TMCO6: variants seen among roughly 807,000 people sequenced by gnomAD.
TMCO6 encodes the protein transmembrane and coiled-coil domain-containing protein 6.
TMCO6 carries 47 observed loss-of-function variants against 61.8 expected under a neutral mutation model. The observed-to-expected ratio is 0.76, with a 90% CI of 0.60 to 0.97. The LOEUF is 0.97. Among genes scored for constraint, TMCO6 ranks in the 50% least tolerant of loss-of-function variants. TMCO6 has a pLI of 0.00. For synonymous variants in TMCO6, 261 were observed against 254.2 expected (o/e 1.03, Z -0.25); for missense variants, 557 against 601.6 (o/e 0.93, Z 0.78).
At chr5:140,630,093 G>A in the TMCO6 span, among the ~76,000 whole-genome samples, 1 of 151,246 alleles carries the variant, frequency 6.6e-6, no homozygotes, top group South Asian at 2.1e-4. Flanking sequence ...AGGTTCTAGT[G>A]AGCAATTCTC....
the TMCO6 span, chr5:140,631,738 T>C: frequency 1.0e-6 from 1 of 971,690 alleles, no homozygotes; most frequent in Non-Finnish European, 1.6e-6. Context: ...GACCCGTTGT[T>C]TAAGATTTTA....
Position 140,644,667 on chromosome 5 carries a change from T to A in TMCO6, c.1295T>A (p.Leu432Gln). 1 of 1,614,258 alleles carries A rather than the reference T, an allele frequency of 6.2e-7. No homozygotes were observed. Among genetic ancestry groups the A allele is most frequent in the Non-Finnish European group, 8.5e-7 (1 of 1,180,044 alleles). The change falls in exon 11 of 12, where the codon CTA (leucine) becomes CAA (glutamine). Residue 432 changes from leucine to glutamine, a missense_variant. Coordinates refer to ENST00000394671, the MANE Select transcript of TMCO6 (RefSeq NM_018502.5). Reference protein sequence around the residue: ...GPLLPALLHTLAFSDTEVVGQ... With the variant: ...GPLLPALLHTQAFSDTEVVGQ... ...CTGCTTCCCGCCTTGCTGCACACAC[T>A]AGCCTTTTCTGACACTGAAGTAGTA...
chr5:140,638,110 TGTCTGCTTGGCCA>T (rs1167269319), upstream of TMCO6, among the ~76,000 whole-genome samples: 1 of 152,150 alleles, frequency 6.6e-6, no homozygotes, highest in African/African-American at 2.4e-5. Context: ...CTCAGAGGGG[TGTCTGCTTGGCCA>T]GTCGCCATGA....
At chr5:140,608,097 G>A in the TMCO6 span, among the ~76,000 whole-genome samples, 1 of 152,080 alleles carries the variant, frequency 6.6e-6, no homozygotes, top group African/African-American at 2.4e-5. Context: ...GCCTCTCATT[G>A]TGTTTTTGGT....
Position 140,639,610 on chromosome 5 carries a change from C to T in TMCO6, c.83C>T (p.Ala28Val), listed in dbSNP as rs1350057615. Residue 28 changes from alanine to valine, a missense_variant and splice_region_variant, in exon 1 of 12, where the codon GCA (alanine) becomes GTA (valine). Ala to Val is a moderately conservative substitution (Grantham distance 64). Coordinates refer to ENST00000394671, the MANE Select transcript of TMCO6 (RefSeq NM_018502.5). ...ELRRRRRERE[A>V]ALRKARREQQ... ...CGGCGCCGCCGGCGGGAGCGGGAGG[C>T]AGGTGTGGGCGGCCGAGGGAGCGCG... 6.5e-7 allele frequency: 1 copy of T among 1,542,236 alleles called. No individual in the cohort carries two copies. Among genetic ancestry groups the T allele is most frequent in the Non-Finnish European group, 8.8e-7 (1 of 1,142,462 alleles).
the TMCO6 span, among the ~76,000 whole-genome samples, chr5:140,619,719 C>T: frequency 6.6e-6 from 1 of 152,172 alleles, no homozygotes; most frequent in Non-Finnish European, 1.5e-5. Flanking sequence ...GGGCCAAAAG[C>T]TCCTCTTGGT....
At position 140,643,936 on chromosome 5, in the gene TMCO6, G is replaced by A; in HGVS notation, c.1075G>A (p.Glu359Lys). ...CCAGAAACAGCCCAGTCTGCTCCCT[G>A]AGGGCCTTTGGCTCCTCAACAACCT... ...FFQKQPSLLPEGLWLLNNLTA... is the reference protein window; with the variant it reads ...FFQKQPSLLPKGLWLLNNLTA... Residue 359 changes from glutamate (E) to lysine (K), a missense_variant, in exon 9 of 12, where the codon GAG becomes AAG. Physicochemically the swap from Glu to Lys is moderately conservative, Grantham distance 56. Coordinates refer to ENST00000394671, the MANE Select transcript of TMCO6 (RefSeq NM_018502.5). 1 of 1,614,198 alleles carries A rather than the reference G, an allele frequency of 6.2e-7. No homozygotes were observed. Among genetic ancestry groups the A allele is most frequent in the Non-Finnish European group, 8.5e-7 (1 of 1,180,038 alleles).
At chr5:140,597,424 T>G in the TMCO6 span, among the ~76,000 whole-genome samples, 1 of 152,132 alleles carries the variant, frequency 6.6e-6, no homozygotes, top group African/African-American at 2.4e-5. Context: ...CAGGCTTCCA[T>G]TCAATCTTGT....
At chr5:140,633,357 C>A in the TMCO6 span, 2 of 560,644 alleles carry the variant, frequency 3.6e-6, no homozygotes, top group South Asian at 4.0e-5. Flanking sequence ...TTCTGCAGGG[C>A]ATCTAGGGTT....
chr5:140,628,652 G>A, the TMCO6 span, among the ~76,000 whole-genome samples: 1 of 152,150 alleles, frequency 6.6e-6, no homozygotes, highest in Admixed American at 6.5e-5. Context: ...TGGCCAGGCT[G>A]GTCTTGAAGT....
At chr5:140,622,561 T>C in the TMCO6 span, among the ~76,000 whole-genome samples, 1 of 152,070 alleles carries the variant, frequency 6.6e-6, no homozygotes, top group Non-Finnish European at 1.5e-5. Flanking sequence ...AAAAGGATGT[T>C]ATACAAGAAC....
chr5:140,596,713 G>A, the TMCO6 span, among the ~76,000 whole-genome samples: 2 of 152,192 alleles, frequency 1.3e-5, no homozygotes, highest in African/African-American at 4.8e-5. Context: ...CTTTAGCCCA[G>A]CATGTCATGT....
chr5:140,630,218 T>C, the TMCO6 span, among the ~76,000 whole-genome samples: 1 of 151,952 alleles, frequency 6.6e-6, no homozygotes, highest in Non-Finnish European at 1.5e-5. Context: ...GGACTCGATC[T>C]CTTGACCTCG....
At chr5:140,626,030 C>T in the TMCO6 span, among the ~76,000 whole-genome samples, 10 of 152,168 alleles carry the variant, frequency 6.6e-5, no homozygotes, top group South Asian at 2.1e-4. Flanking sequence ...TTCTTTAGCA[C>T]GGTCTCTTCT....
the TMCO6 span, chr5:140,632,046 G>A: frequency 3.1e-6 from 5 of 1,614,194 alleles, no homozygotes; most frequent in Non-Finnish European, 4.2e-6. This position sits in a 1 kb window ranked among gnomAD's most constrained non-coding sequence, Gnocchi z 6.2. Context: ...GTCAGGCTGC[G>A]GCGCCCTGTT....
At chr5:140,621,587 C>T in the TMCO6 span, among the ~76,000 whole-genome samples, 2 of 152,192 alleles carry the variant, frequency 1.3e-5, no homozygotes, top group South Asian at 2.1e-4. Flanking sequence ...ATCCGGGCAC[C>T]TTGAAAAAAG....
At chr5:140,621,133 C>A in the TMCO6 span, among the ~76,000 whole-genome samples, 1 of 152,188 alleles carries the variant, frequency 6.6e-6, no homozygotes, top group Non-Finnish European at 1.5e-5. Context: ...CTATTGGACC[C>A]ACTGCCTCTC....
downstream of TMCO6, chr5:140,645,560 T>A (rs370747642): frequency 5.0e-6 from 8 of 1,613,846 alleles, no homozygotes; most frequent in South Asian, 8.8e-5. Context: ...GCTCTGGGGC[T>A]GTTGCTCTTA....
chr5:140,598,134 T>A, the TMCO6 span, among the ~76,000 whole-genome samples: 1 of 152,300 alleles, frequency 6.6e-6, no homozygotes, highest in Admixed American at 6.5e-5. Flanking sequence ...CATGAAAACA[T>A]TTAAACAAGT....
Sources: allele counts gnomAD v4.1 joint callset (sites outside exome capture counted in the v4.1 genomes callset), GRCh38; gene constraint gnomAD v4.1.1; non-coding constraint Gnocchi (gnomAD v3.1); transcripts MANE v1.5; gene names NCBI Gene and HGNC (gene_info 2026-07-23, HGNC 2026-07-21).